Variants in FRMPD4 observed in about 807,000 individuals in gnomAD.
FRMPD4 encodes FERM and PDZ domain-containing protein 4.
Under a neutral mutation model 94.1 loss-of-function variants are expected in FRMPD4, and 22 were observed. That is an observed-to-expected ratio of 0.23 (90% CI 0.17 to 0.33). The LOEUF (loss-of-function observed/expected upper bound fraction) is 0.33, where lower values mean the gene tolerates loss of function less well. FRMPD4 is among the 10% of genes least tolerant of loss of function. The pLI, the probability that FRMPD4 is intolerant of heterozygous loss-of-function variation, is 1.00. For synonymous variants in FRMPD4, 631 were observed against 548.6 expected (o/e 1.15, Z -2.10); for missense variants, 1,111 against 1,339.9 (o/e 0.83, Z 2.67).
At chrX:12,472,987 G>C (rs1329840585) in intron 1 of FRMPD4, among the ~76,000 whole-genome samples, 2 of 109,348 alleles carry the variant, frequency 1.8e-5, no homozygotes, top group Non-Finnish European at 3.8e-5. Context: ...TCCTCGAGAA[G>C]AGCAACTCCA....
chrX:12,481,868 G>A (rs141162692), intron 1 of FRMPD4, among the ~76,000 whole-genome samples: 2,145 of 98,648 alleles, frequency 0.022, 28 homozygotes, highest in Non-Finnish European at 0.034. Flanking sequence ...GCGTGAACCC[G>A]GGAGGCGGAG....
intron 2 of FRMPD4, among the ~76,000 whole-genome samples, chrX:12,605,801 C>T (rs1031414906): frequency 7.2e-5 from 8 of 111,143 alleles, no homozygotes; most frequent in Non-Finnish European, 7.5e-5. Flanking sequence ...CCTTCACCCA[C>T]CCACTCCACC....
At chrX:12,138,307 G>A (rs957049961), upstream of FRMPD4, among the ~76,000 whole-genome samples, 10 of 112,336 alleles carry the variant, frequency 8.9e-5, no homozygotes, top group Non-Finnish European at 1.9e-4. Flanking sequence ...GGCTTGGGGA[G>A]GGAGGGGTAG....
intron 1 of FRMPD4, among the ~76,000 whole-genome samples, chrX:12,423,238 A>AAAATAAAT (rs35361195): frequency 1.9e-4 from 20 of 108,070 alleles, no homozygotes; most frequent in Admixed American, 1.2e-3. Context: ...GACGCCGTCT[A>AAAATAAAT]AAATAAATAA....
chrX:12,496,206 T>C (rs2057848227), intron 1 of FRMPD4, among the ~76,000 whole-genome samples: 1 of 112,245 alleles, frequency 8.9e-6, no homozygotes, highest in South Asian at 3.7e-4. Flanking sequence ...TACAATAAAA[T>C]TATACTAACA....
intron 1 of FRMPD4, among the ~76,000 whole-genome samples, chrX:12,304,643 G>T (rs1264227519): frequency 1.8e-5 from 2 of 111,747 alleles, no homozygotes; most frequent in African/African-American, 6.5e-5. Context: ...TATCAACAGA[G>T]AAAGAGCAGC....
intron 1 of FRMPD4, among the ~76,000 whole-genome samples, chrX:12,227,469 G>A (rs1429785131): frequency 9.0e-6 from 1 of 111,388 alleles, no homozygotes; most frequent in African/African-American, 3.3e-5. Context: ...CTAATAATTG[G>A]AGGAATTGAG....
At chrX:12,609,948 G>A in intron 3 of FRMPD4, 67 bp downstream of exon 3, 1 of 1,007,640 alleles carries the variant, frequency 9.9e-7, no homozygotes, top group Non-Finnish European at 1.4e-6. Context: ...AATAACTACT[G>A]TTCAGTTTCA....
chrX:12,415,467 T>C (rs1172039362), intron 1 of FRMPD4, among the ~76,000 whole-genome samples: 3 of 111,536 alleles, frequency 2.7e-5, no homozygotes, highest in Non-Finnish European at 5.7e-5. Flanking sequence ...TTTGAAAAAA[T>C]ATGATTAAAG....
At chrX:12,341,632 C>T in intron 1 of FRMPD4, 2 of 330,059 alleles carry the variant, frequency 6.1e-6, no homozygotes, top group South Asian at 5.2e-5. Flanking sequence ...TGAGGTCACA[C>T]AGCTGGTAAG....
At chrX:11,850,408 A>T (rs1304530643) in intron 1 of FRMPD4, among the ~76,000 whole-genome samples, 1 of 112,482 alleles carries the variant, frequency 8.9e-6, no homozygotes, top group Non-Finnish European at 1.9e-5. Context: ...TCAAAAAGTT[A>T]AAAATAGAAT....
chrX:12,599,758 G>A, intron 2 of FRMPD4, among the ~76,000 whole-genome samples: 1 of 111,335 alleles, frequency 9.0e-6, no homozygotes, highest in Non-Finnish European at 1.9e-5. Context: ...GGAACCCTCT[G>A]GATCATACAG....
At chrX:12,495,833 C>T (rs1452555804) in intron 1 of FRMPD4, among the ~76,000 whole-genome samples, 1 of 112,072 alleles carries the variant, frequency 8.9e-6, no homozygotes. Flanking sequence ...AGGCCCTATC[C>T]CCAGATATTC....
chrX:12,427,034 GAT>G (rs1015404681), intron 1 of FRMPD4, among the ~76,000 whole-genome samples: 3 of 111,485 alleles, frequency 2.7e-5, no homozygotes, highest in African/African-American at 9.8e-5. Flanking sequence ...TAGCTAAATT[GAT>G]ATATGTGAAG....
At chrX:11,907,014 T>C (rs1387309734) in intron 3 of FRMPD4, among the ~76,000 whole-genome samples, 2 of 111,232 alleles carry the variant, frequency 1.8e-5, no homozygotes, top group East Asian at 5.6e-4. Context: ...TTTATCATTT[T>C]AGTTATTGTA....
intron 3 of FRMPD4, among the ~76,000 whole-genome samples, chrX:12,043,032 ACT>A (rs905548509): frequency 1.4e-4 from 16 of 110,896 alleles, no homozygotes; most frequent in African/African-American, 5.2e-4. Context: ...AAGGTCACAA[ACT>A]CTCATAGTTC....
intron 1 of FRMPD4, among the ~76,000 whole-genome samples, chrX:12,233,977 A>ATTATTTATTTATTTATTTAT (rs111441692): frequency 4.8e-5 from 5 of 103,194 alleles, no homozygotes; most frequent in Admixed American, 1.1e-4. Context: ...GAATGAATGA[A>ATTATTTATTTATTTATTTAT]TTATTTATTT....
intron 3 of FRMPD4, among the ~76,000 whole-genome samples, chrX:12,123,398 A>C (rs1476345774): frequency 1.8e-5 from 2 of 111,301 alleles, no homozygotes; most frequent in Non-Finnish European, 3.8e-5. Context: ...TTGGCCTCCC[A>C]AAATTCTGGG....
intron 1 of FRMPD4, among the ~76,000 whole-genome samples, chrX:12,364,648 G>A (rs2056047329): frequency 9.0e-6 from 1 of 111,234 alleles, no homozygotes; most frequent in Non-Finnish European, 1.9e-5. Flanking sequence ...CAGGAGTCCA[G>A]GCAAGGTGAC....
Sources: gnomAD v4.1 joint callset for allele counts (sites outside exome capture counted in the v4.1 genomes callset) on GRCh38, gnomAD v4.1.1 for gene constraint, MANE v1.5 for transcripts, NCBI Gene and HGNC (gene_info 2026-07-23, HGNC 2026-07-21) for gene names.